CTBP1: variants seen among roughly 807,000 people sequenced by gnomAD.
CTBP1 encodes the protein C-terminal binding protein 1.
A neutral mutation model predicts 42.1 loss-of-function variants in CTBP1; 11 were observed. That is an observed-to-expected ratio of 0.26 (90% confidence interval 0.16 to 0.43). The LOEUF is 0.43. Among genes scored for constraint, CTBP1 ranks in the 20% least tolerant of loss-of-function variants. CTBP1 has a pLI of 1.00. For synonymous variants in CTBP1, 324 were observed against 277.1 expected (o/e 1.17, Z -1.68); for missense variants, 399 against 624.3 (o/e 0.64, Z 3.85).
At position 1,225,356 on chromosome 4, in the gene CTBP1, G is replaced by A. The variant is rs1477753457; in HGVS notation, c.514+4C>T. On this transcript the variant is annotated splice_donor_region_variant and intron_variant, in intron 5 of 9. Coordinates refer to ENST00000382952, the MANE Select transcript of CTBP1 (RefSeq NM_001012614.2). Reference sequence around the variant, plus strand: ...ACACAGGCGTGGAGCTGCGGCCGACGCACCAAGTCCGATGATGCCCAAGGT... The same window carrying A: ...ACACAGGCGTGGAGCTGCGGCCGACACACCAAGTCCGATGATGCCCAAGGT... 8 of 1,548,332 alleles carry A rather than the reference G, an allele frequency of 5.2e-6. No individual in the cohort carries two copies. In the Admixed American group the frequency reaches 5.7e-5, roughly 11 times the overall value.
At chr4:1,248,812 C>T in intron 1 of CTBP1, 104 bp downstream of exon 1, 4 of 927,066 alleles carry the variant, frequency 4.3e-6, no homozygotes, top group Middle Eastern at 5.6e-4. Flanking sequence ...AAGCCGGCGG[C>T]CCGCGGGCGC....
rs1168811918 is a variant in CTBP1, at chr4:1,233,835, G to T, written c.162+4348C>A. ...ATGCGGGAAGTTTCTGCCCCAGGAG[G>T]CAGAATTCCTGACTAACAGTGGCAC... is the stretch of plus-strand genomic sequence containing the variant. On this transcript the variant is annotated intron_variant, in intron 3 of 9. Coordinates refer to ENST00000382952, the MANE Select transcript of CTBP1 (RefSeq NM_001012614.2). The surrounding 1 kb of genome is among the most constrained non-coding windows in gnomAD (Gnocchi z 4.6). 6.6e-6 allele frequency among the ~76,000 whole-genome samples: 1 copy of T among 152,218 alleles called. No homozygotes were observed. The highest frequency in any genetic ancestry group is 2.4e-5 in the African/African-American group (1 of 41,454).
At chr4:1,246,961 TC>T (rs1732783637) in intron 1 of CTBP1, among the ~76,000 whole-genome samples, 1 of 152,056 alleles carries the variant, frequency 6.6e-6, no homozygotes, top group Non-Finnish European at 1.5e-5. Flanking sequence ...GCACTTCCAA[TC>T]CCACCAGGAC....
intron 6 of CTBP1, chr4:1,215,649 C>G: frequency 2.8e-6 from 1 of 358,638 alleles, no homozygotes; most frequent in East Asian, 6.8e-5. Flanking sequence ...AAACCTGAAC[C>G]TGGCAGCACG....
chr4:1,244,274 C>T (rs1328561554), intron 1 of CTBP1: 16 of 983,868 alleles, frequency 1.6e-5, no homozygotes, highest in African/African-American at 3.5e-5. Context: ...GGAGAGGGAC[C>T]GGGTTGCCCC....
intron 1 of CTBP1, 67 bp from the exon 2 acceptor site, chr4:1,241,586 A>G (rs1410012930): frequency 1.3e-6 from 2 of 1,490,866 alleles, no homozygotes; most frequent in Non-Finnish European, 1.8e-6. Context: ...CACAGACTCC[A>G]GGGAACGCCT....
At chr4:1,245,592 G>A (rs1732633612) in intron 1 of CTBP1, 11 of 982,444 alleles carry the variant, frequency 1.1e-5, no homozygotes, top group Non-Finnish European at 1.3e-5. Context: ...CGGCAGGGAA[G>A]AGTGGCACGG....
At chr4:1,241,167 C>A (rs1732137982) in intron 2 of CTBP1, among the ~76,000 whole-genome samples, 158 bp downstream of exon 2, 1 of 152,190 alleles carries the variant, frequency 6.6e-6, no homozygotes. Context: ...GGCACCTGAC[C>A]TCGCCCAGAG....
At chr4:1,216,446 G>A (rs768087658) in intron 5 of CTBP1, 6 of 592,814 alleles carry the variant, frequency 1.0e-5, no homozygotes, top group Admixed American at 3.0e-5. Flanking sequence ...CTAGCCCCTC[G>A]GCCCACACCA....
rs2108787100 is a variant in CTBP1 at position 1,238,561 on chromosome 4, C to T, written c.8-224G>A. ...AGTGGACACAGACTGTGGACACCCA[C>T]TACCATCTCCCTTGGGCACAGGACC... On this transcript the variant is annotated intron_variant, in intron 2 of 9. Coordinates refer to ENST00000382952, the MANE Select transcript of CTBP1 (RefSeq NM_001012614.2). This position sits in a 1 kb window ranked among gnomAD's most constrained non-coding sequence, Gnocchi z 5.9. Among the ~76,000 whole-genome samples the T allele has an allele frequency of 6.6e-6, 1 of 152,232 alleles. No individual in the cohort carries two copies. Among genetic ancestry groups the T allele is most frequent in the Admixed American group, 6.5e-5 (1 of 15,306 alleles).
In CTBP1 at chr4:1,233,698, A is replaced by G. The variant is rs1167830302; in HGVS notation, c.162+4485T>C. On this transcript the variant is annotated intron_variant, in intron 3 of 9. Transcript: ENST00000382952. This position sits in a 1 kb window ranked among gnomAD's most constrained non-coding sequence, Gnocchi z 4.6. ...TAAAATCCCAGTCCTGAACCTGAAC[A>G]CTGGGGCGCCTCCCAGGCCCCGACA... 1.3e-5 allele frequency among the ~76,000 whole-genome samples: 2 copies of G among 151,916 alleles called. No homozygotes were observed. The highest frequency in any genetic ancestry group is 2.9e-5 in the Non-Finnish European group (2 of 67,972).
At chr4:1,240,184 G>A (rs980384523) in intron 2 of CTBP1, among the ~76,000 whole-genome samples, 8 of 150,244 alleles carry the variant, frequency 5.3e-5, no homozygotes, top group African/African-American at 2.0e-4. Context: ...ACCGCGTGGG[G>A]GACTCCCGGG....
At chr4:1,221,710 C>T (rs1221348381) in intron 5 of CTBP1, 2 of 354,660 alleles carry the variant, frequency 5.6e-6, no homozygotes, top group East Asian at 9.3e-5. Flanking sequence ...GACCCGGGTC[C>T]TCGCAGGGTC....
chr4:1,238,122 C>A lies in CTBP1; in HGVS notation c.162+61G>T. The A allele has an allele frequency of 1.2e-6, 2 of 1,607,512 alleles. No individual in the cohort carries two copies. Among genetic ancestry groups the A allele is most frequent in the African/African-American group, 2.7e-5 (2 of 75,006 alleles). ...CTGTGGCCCGGGCCTGCCGTGCTCC[C>A]GTCCCTCCAACTCCCCCCAACGTGC... On this transcript the variant is annotated intron_variant, in intron 3 of 9. Transcript: ENST00000382952. The surrounding 1 kb of genome is among the most constrained non-coding windows in gnomAD (Gnocchi z 5.9).
At chr4:1,227,075 G>A (rs1357025414) in intron 4 of CTBP1, among the ~76,000 whole-genome samples, 7 of 152,006 alleles carry the variant, frequency 4.6e-5, no homozygotes, top group African/African-American at 1.2e-4. Context: ...CAGAAAGTGC[G>A]CTCCAAGCAG....
rs769926218 is a variant in CTBP1 at position 1,213,036 on chromosome 4, A to G, written c.989-6T>C. ...CAGGCTGTCTGGGATCCGGCCTGGG[A>G]GATGCAGGAGGAAGGAACAGCTGTG... On this transcript the variant is annotated splice_polypyrimidine_tract_variant and splice_region_variant and intron_variant, in intron 8 of 9. Coordinates refer to ENST00000382952, the MANE Select transcript of CTBP1 (RefSeq NM_001012614.2). 13 of 1,612,750 alleles carry G rather than the reference A, an allele frequency of 8.1e-6. No homozygotes were observed. Among genetic ancestry groups the G allele is most frequent in the Non-Finnish European group, 1.1e-5 (13 of 1,179,368 alleles).
intron 5 of CTBP1, among the ~76,000 whole-genome samples, chr4:1,221,103 C>T (rs1018049210): frequency 2.6e-5 from 4 of 152,204 alleles, no homozygotes; most frequent in Admixed American, 6.5e-5. Context: ...CAATGCATGT[C>T]GATCTGACAA....
chr4:1,229,704 G>A (rs1018587706), intron 3 of CTBP1, among the ~76,000 whole-genome samples: 1 of 152,218 alleles, frequency 6.6e-6, no homozygotes, highest in African/African-American at 2.4e-5. Context: ...GCAGGCATAC[G>A]TGGGCAGGGT....
chr4:1,232,080 C>A (rs1482631999), intron 3 of CTBP1, among the ~76,000 whole-genome samples: 1 of 152,234 alleles, frequency 6.6e-6, no homozygotes, highest in Non-Finnish European at 1.5e-5. Flanking sequence ...ATTTTACAGA[C>A]AGGACCTCGC....
Sources: allele counts gnomAD v4.1 joint callset (sites outside exome capture counted in the v4.1 genomes callset), GRCh38; gene constraint gnomAD v4.1.1; non-coding constraint Gnocchi (gnomAD v3.1); transcripts MANE v1.5; gene names NCBI Gene and HGNC (gene_info 2026-07-23, HGNC 2026-07-21).